Variants in KDM1B observed in about 807,000 individuals in gnomAD.
The protein encoded by KDM1B is lysine-specific histone demethylase 2.
A neutral mutation model predicts 107.4 loss-of-function variants in KDM1B; 63 were observed. That is an observed-to-expected ratio of 0.59 (90% CI 0.48 to 0.72). The LOEUF (loss-of-function observed/expected upper bound fraction) is 0.72, where lower values mean the gene tolerates loss of function less well. Among genes scored for constraint, KDM1B ranks in the 30% least tolerant of loss-of-function variants. The probability of loss-of-function intolerance (pLI) is 0.00; values close to 1 mark genes in which losing one functional copy is unlikely to be tolerated. For synonymous variants in KDM1B, 363 were observed against 363.9 expected, an observed-to-expected ratio of 1.00 and a Z score of 0.03; for missense variants, 749 against 1,020.8, an observed-to-expected ratio of 0.73 and a Z score of 3.63.
intron 17 of KDM1B, among the ~76,000 whole-genome samples, chr6:18,208,709 A>G (rs1233730350): frequency 5.4e-5 from 7 of 129,964 alleles, no homozygotes; most frequent in African/African-American, 1.8e-4. Flanking sequence ...CAGTGGCGCA[A>G]ACTCGGCTCA....
chr6:18,201,427 A>C lies in KDM1B; in HGVS notation c.1360-59A>C, dbSNP rs2150977801. 7.9e-7 allele frequency: 1 copy of C among 1,262,022 alleles called. No homozygotes were observed. The allele number at this position is 1,262,022 out of a possible 1,614,324, so 78.2% of individuals were successfully genotyped here. ...AGCTCTGTCTGATTTTCAGCTTAGA[A>C]CCTGTAAATATTTTTTTCCAGGGAA... is the stretch of plus-strand genomic sequence containing the variant. On this transcript the variant is annotated intron_variant, in intron 13 of 21. Transcript: ENST00000650836. The surrounding 1 kb of genome is among the most constrained non-coding windows in gnomAD (Gnocchi z 4.3).
chr6:18,200,093 C>A lies in KDM1B; in HGVS notation c.1222-346C>A, dbSNP rs1787935549. Among the ~76,000 whole-genome samples the A allele has an allele frequency of 1.3e-5, 2 of 152,304 alleles. No individual in the cohort carries two copies. Among genetic ancestry groups the A allele is most frequent in the South Asian group, 4.1e-4 (2 of 4,828 alleles). On this transcript the variant is annotated intron_variant, in intron 12 of 21. Coordinates refer to ENST00000650836, the MANE Select transcript of KDM1B (RefSeq NM_001364614.2). The surrounding 1 kb of genome is among the most constrained non-coding windows in gnomAD (Gnocchi z 4.3). ...TTCACCATGTTGGCCAAACTGGTCA[C>A]AAACTCTTGGCCTCATGTGATCCTC...
rs1488626607 is a variant in KDM1B, at chr6:18,155,712, G to C, written c.-58+141G>C. On this transcript the variant is annotated intron_variant, in intron 1 of 21. Transcript: ENST00000650836. The surrounding 1 kb of genome is among the most constrained non-coding windows in gnomAD (Gnocchi z 6.2). ...CCCCTCGCCGTGGTGGGAGGTGGGC[G>C]GGTGCCCCAGGGACGGATACCTCCT... The C allele has an allele frequency of 6.6e-6, 1 of 152,660 alleles. No homozygotes were observed. Among genetic ancestry groups the C allele is most frequent in the African/African-American group, 2.4e-5 (1 of 41,466 alleles). The allele number at this position is 152,660 out of a possible 1,614,324, so 9.5% of individuals were successfully genotyped here. A position where few individuals can be genotyped will look rare whatever the true frequency, so the allele number is the denominator to read the frequency against.
At chr6:18,181,346 C>T (rs114530855) in intron 7 of KDM1B, among the ~76,000 whole-genome samples, 2,737 of 151,986 alleles carry the variant, frequency 0.018, 42 homozygotes, top group African/African-American at 0.05. Flanking sequence ...TTTAATATAA[C>T]ATCAATTTAA....
chr6:18,177,935 G>A (rs185471089), intron 7 of KDM1B, among the ~76,000 whole-genome samples: 9 of 152,224 alleles, frequency 5.9e-5, no homozygotes, highest in Admixed American at 4.6e-4. Context: ...TCTGACCCAT[G>A]GGCATGGTAT....
Position 18,212,711 on chromosome 6 carries a change from C to T in KDM1B, c.1983+107C>T, listed in dbSNP as rs897760388. On this transcript the variant is annotated intron_variant, in intron 18 of 21. Coordinates refer to ENST00000650836, the MANE Select transcript of KDM1B (RefSeq NM_001364614.2). This position sits in a 1 kb window ranked among gnomAD's most constrained non-coding sequence, Gnocchi z 5.2. ...GGGTACTATCTAAATACAAATAAAA[C>T]TCAAGGATTTCCTTTTCATTTGAGT... 7 of 756,654 alleles carry T rather than the reference C, an allele frequency of 9.3e-6. No individual in the cohort carries two copies. Among genetic ancestry groups the T allele is most frequent in the African/African-American group, 7.0e-5 (4 of 57,500 alleles). The allele number at this position is 756,654 out of a possible 1,614,324, so 46.9% of individuals were successfully genotyped here.
chr6:18,215,104 C>T lies in KDM1B; in HGVS notation c.2207C>T (p.Thr736Met), dbSNP rs200223055. ...DKQVLQQCMATLRELFKEQEV... is the reference protein window; with the variant it reads ...DKQVLQQCMAMLRELFKEQEV... Reference sequence around the variant, plus strand: ...CAGGTGCTGCAGCAGTGCATGGCCACGCTCCGGGAGCTGTTCAAGGAGCAG... The same window carrying T: ...CAGGTGCTGCAGCAGTGCATGGCCATGCTCCGGGAGCTGTTCAAGGAGCAG... Residue 736 changes from threonine to methionine, a missense_variant, in exon 20 of 22, where the codon ACG becomes ATG. By Grantham distance (81) the Thr-to-Met change is moderately conservative. Transcript: ENST00000650836. The T allele has an allele frequency of 2.1e-5, 34 of 1,613,146 alleles. No homozygotes were observed. Among genetic ancestry groups the T allele is most frequent in the Middle Eastern group, 1.6e-4 (1 of 6,080 alleles).
chr6:18,192,909 C>A (rs996013369), intron 10 of KDM1B, among the ~76,000 whole-genome samples: 4 of 151,800 alleles, frequency 2.6e-5, no homozygotes, highest in Non-Finnish European at 5.9e-5. Flanking sequence ...ATTGTGTATA[C>A]CGGCTGGGCG....
Position 18,211,597 on chromosome 6 carries a change from G to T in KDM1B, c.1867-891G>T, listed in dbSNP as rs1788856547. ...AGGCCGTAAGGCATGCATGTTGCTG[G>T]TGCACGTGGTTCTGTATGTGGCATG... On this transcript the variant is annotated intron_variant, in intron 17 of 21. Coordinates refer to ENST00000650836, the MANE Select transcript of KDM1B (RefSeq NM_001364614.2). This position sits in a 1 kb window ranked among gnomAD's most constrained non-coding sequence, Gnocchi z 5.2. The T allele has an allele frequency of 6.6e-6, 1 of 152,314 alleles. No homozygotes were observed. The highest frequency in any genetic ancestry group is 1.9e-4 in the East Asian group (1 of 5,202). The allele number at this position is 152,314 out of a possible 1,614,324, so 9.4% of individuals were successfully genotyped here. A position where few individuals can be genotyped will look rare whatever the true frequency, so the allele number is the denominator to read the frequency against.
In KDM1B at chr6:18,201,398, T is replaced by G. The variant is rs557889053; in HGVS notation, c.1360-88T>G. 1.6e-5 allele frequency: 15 copies of G among 950,402 alleles called. No individual in the cohort carries two copies. The South Asian group carries it at 2.4e-4, about 15-fold the overall frequency. 58.9% of individuals were successfully genotyped at this position (950,402 alleles called of 1,614,324 possible). A position where few individuals can be genotyped will look rare whatever the true frequency, so the allele number is the denominator to read the frequency against. ...GAGAGATATGAGACCATTTTCTCCA[T>G]GAGAGCTCTGTCTGATTTTCAGCTT... On this transcript the variant is annotated intron_variant, in intron 13 of 21. Coordinates refer to ENST00000650836, the MANE Select transcript of KDM1B (RefSeq NM_001364614.2). This position sits in a 1 kb window ranked among gnomAD's most constrained non-coding sequence, Gnocchi z 4.3.
chr6:18,183,753 A>T (rs1786644281), intron 7 of KDM1B, among the ~76,000 whole-genome samples: 1 of 152,102 alleles, frequency 6.6e-6, no homozygotes, highest in Admixed American at 6.6e-5. Context: ...GATGCATCTA[A>T]GACTTTGGTG....
At position 18,209,200 on chromosome 6, in the gene KDM1B, G is replaced by A. The variant is rs993392060; in HGVS notation, c.1866+994G>A. 3.9e-5 allele frequency among the ~76,000 whole-genome samples: 6 copies of A among 152,174 alleles called. No individual in the cohort carries two copies. Among genetic ancestry groups the A allele is most frequent in the Non-Finnish European group, 5.9e-5 (4 of 68,030 alleles). On this transcript the variant is annotated intron_variant, in intron 17 of 21. Transcript: ENST00000650836. This position sits in a 1 kb window ranked among gnomAD's most constrained non-coding sequence, Gnocchi z 4.3. ...AATCAAATACCTGAAATCACACTGA[G>A]ATTTATAGTATTGGAGAATAAAGGT...
intron 20 of KDM1B, among the ~76,000 whole-genome samples, chr6:18,215,443 C>T (rs1450679503): frequency 6.6e-6 from 1 of 152,206 alleles, no homozygotes; most frequent in Non-Finnish European, 1.5e-5. Flanking sequence ...CTGGTAGATG[C>T]TGTCTTCTCC....
chr6:18,181,491 G>T (rs866745967), intron 7 of KDM1B, among the ~76,000 whole-genome samples: 3 of 152,180 alleles, frequency 2.0e-5, no homozygotes, highest in African/African-American at 7.2e-5. Context: ...TCAGTTGGGC[G>T]CAGTGGCTCA....
At chr6:18,185,742 C>T in intron 7 of KDM1B, 30 bp from the exon 8 acceptor site, 3 of 1,603,484 alleles carry the variant, frequency 1.9e-6, no homozygotes, top group South Asian at 1.1e-5. Flanking sequence ...TATAAGCAAC[C>T]CTAATTTAAC....
chr6:18,206,997 T>C (rs1394713214), intron 15 of KDM1B, among the ~76,000 whole-genome samples: 1 of 152,216 alleles, frequency 6.6e-6, no homozygotes, highest in East Asian at 1.9e-4. Flanking sequence ...TTCTGCATTG[T>C]GATTGGAGTC....
rs747902434 is a variant in KDM1B, at chr6:18,221,930, C to T, written c.2407C>T (p.Gln803Ter). 6.2e-7 allele frequency: 1 copy of T among 1,606,674 alleles called. No individual in the cohort carries two copies. Among genetic ancestry groups the T allele is most frequent in the Non-Finnish European group, 8.5e-7 (1 of 1,175,316 alleles). The change falls in exon 22 of 22, where the codon CAA (glutamine) becomes TAA (stop). Residue 803 changes from glutamine (Q) to a stop codon, truncating the protein, a stop_gained. Coordinates refer to ENST00000650836, the MANE Select transcript of KDM1B (RefSeq NM_001364614.2). LOFTEE classifies it high-confidence loss of function. Reference protein sequence around the residue: ...AGEATNRHFPQTVTGAYLSGV... With the variant: ...AGEATNRHFP ...ACAGGCAACAAACAGGCATTTCCCACAAACTGTTACAGGGGCATATTTGAG... is the reference window on the plus strand; with the variant it reads ...ACAGGCAACAAACAGGCATTTCCCATAAACTGTTACAGGGGCATATTTGAG...
chr6:18,217,877 G>A lies in KDM1B; in HGVS notation c.2377G>A (p.Ala793Thr), dbSNP rs748833012. 8.7e-6 allele frequency: 14 copies of A among 1,610,960 alleles called. No homozygotes were observed. Among genetic ancestry groups the A allele is most frequent in the Non-Finnish European group, 1.2e-5 (14 of 1,179,236 alleles). ...AEDIQGTVFF[A>T]GEATNRHFPQ... is the part of the protein sequence containing the mutation. ...AGACATTCAAGGAACCGTCTTTTTCGCTGGTGAGGTATGGATCTTGATTCC... is the reference window on the plus strand; with the variant it reads ...AGACATTCAAGGAACCGTCTTTTTCACTGGTGAGGTATGGATCTTGATTCC... Residue 793 changes from alanine to threonine, a missense_variant, in exon 21 of 22, where the codon GCT becomes ACT. Ala to Thr is a moderately conservative substitution (Grantham distance 58, BLOSUM62 0). Transcript: ENST00000650836.
chr6:18,193,298 CT>C (rs61133563), intron 10 of KDM1B, among the ~76,000 whole-genome samples: 3,049 of 90,064 alleles, frequency 0.034, 23 homozygotes, highest in African/African-American at 0.066. Context: ...TGTGTGCTTT[CT>C]TTTTTTTTTT....
Sources: gnomAD v4.1 joint callset for allele counts (sites outside exome capture counted in the v4.1 genomes callset) on GRCh38, gnomAD v4.1.1 for gene constraint, Gnocchi (gnomAD v3.1) non-coding constraint, MANE v1.5 for transcripts, NCBI Gene and HGNC (gene_info 2026-07-23, HGNC 2026-07-21) for gene names.